Variants in LONRF3 observed in about 807,000 individuals in gnomAD.
LONRF3 encodes the protein LON peptidase N-terminal domain and ring finger 3.
A neutral mutation model predicts 51.7 loss-of-function variants in LONRF3; 19 were observed. That is an observed-to-expected ratio of 0.37 (90% CI 0.26 to 0.54). The LOEUF is 0.54. Among genes scored for constraint, LONRF3 ranks in the 20% least tolerant of loss-of-function variants. The pLI, the probability that LONRF3 is intolerant of heterozygous loss-of-function variation, is 0.86. For missense variants in LONRF3, 521 were observed against 623.9 expected (o/e 0.84, Z 1.76); for synonymous variants, 265 against 257.8 (o/e 1.03, Z -0.27).
rs752151426 is a variant in LONRF3 at position 118,978,219 on chromosome X, C to T, written c.818-126C>T. On this transcript the variant is annotated intron_variant, in intron 1 of 10. Coordinates refer to ENST00000371628, the MANE Select transcript of LONRF3 (RefSeq NM_001031855.3). The stretch of plus-strand genomic sequence containing the variant: ...TTAGGACTAGAAATAGAGCCTAACC[C>T]TTTTGATCTCCAGTAGAAAAGTCCT... 144 of 489,455 alleles carry T rather than the reference C, an allele frequency of 2.9e-4. 4 individuals carry two copies. Among genetic ancestry groups the T allele is most frequent in the South Asian group, 1.5e-3 (47 of 31,101 alleles). 40.3% of individuals were successfully genotyped at this position (489,455 alleles called of 1,213,427 possible). A position where few individuals can be genotyped will look rare whatever the true frequency, so the allele number is the denominator to read the frequency against.
intron 2 of LONRF3, among the ~76,000 whole-genome samples, chrX:118,979,454 C>T (rs543807292): frequency 6.6e-4 from 73 of 110,541 alleles, no homozygotes; most frequent in South Asian, 6.6e-3. Flanking sequence ...CCACCATGCC[C>T]GGCTAATTTT....
intron 5 of LONRF3, among the ~76,000 whole-genome samples, chrX:118,991,108 T>TGGGC (rs1923394345): frequency 8.9e-6 from 1 of 111,811 alleles, no homozygotes; most frequent in Admixed American, 9.5e-5. Context: ...TCTGCCTGCC[T>TGGGC]GGGCCTCCCA....
chrX:118,985,385 C>T (rs1483816386), intron 3 of LONRF3, among the ~76,000 whole-genome samples: 1 of 111,635 alleles, frequency 9.0e-6, no homozygotes, highest in Non-Finnish European at 1.9e-5. Flanking sequence ...CCTCTGAAAG[C>T]TGGCATTTAT....
intron 10 of LONRF3, among the ~76,000 whole-genome samples, chrX:119,015,006 C>T (rs1004151350): frequency 1.8e-5 from 2 of 111,762 alleles, no homozygotes; most frequent in Non-Finnish European, 3.8e-5. Context: ...CAGTGTTCTT[C>T]CTGGGGGATA....
At chrX:119,002,980 T>C (rs1331636390) in intron 5 of LONRF3, among the ~76,000 whole-genome samples, 1 of 109,719 alleles carries the variant, frequency 9.1e-6, no homozygotes, top group African/African-American at 3.3e-5. Flanking sequence ...TATGGGATTT[T>C]GCCATGTTGG....
chrX:118,977,869 A>C (rs781345232), intron 1 of LONRF3, among the ~76,000 whole-genome samples: 1 of 111,597 alleles, frequency 9.0e-6, no homozygotes, highest in Non-Finnish European at 1.9e-5. Context: ...GGCTTTGTAG[A>C]CAAAGGTGTT....
Position 119,009,243 on chromosome X carries a change from T to G in LONRF3, c.1648T>G (p.Ser550Ala). ...TTATGAAGAGGAAATGGAAGAACTT[T>G]CTAAGTATGTATATGCATATTTCTG... ...KLYEEEMEEL[S>A]NLNKNVPIFV... The change falls in exon 7 of 11, where the codon TCT (serine) becomes GCT (alanine). Residue 550 changes from serine (S) to alanine (A), a missense_variant. By Grantham distance (99) the Ser-to-Ala change is moderately conservative. This residue lies in a region of LONRF3 where 145 missense variants were observed against 247.2 expected (regional missense o/e 0.59). Coordinates refer to ENST00000371628, the MANE Select transcript of LONRF3 (RefSeq NM_001031855.3). 1 of 1,207,149 alleles carries G rather than the reference T, an allele frequency of 8.3e-7. No homozygotes were observed. The highest frequency in any genetic ancestry group is 1.1e-6 in the Non-Finnish European group (1 of 892,949).
At chrX:118,986,051 A>AACACAC (rs35356301) in intron 3 of LONRF3, among the ~76,000 whole-genome samples, 73 of 83,857 alleles carry the variant, frequency 8.7e-4, no homozygotes, top group African/African-American at 2.1e-3. Flanking sequence ...AGTATATGGA[A>AACACAC]ACACACACAC....
At chrX:119,012,615 A>G (rs886394586) in intron 8 of LONRF3, among the ~76,000 whole-genome samples, 2 of 111,323 alleles carry the variant, frequency 1.8e-5, no homozygotes, top group African/African-American at 6.5e-5. Flanking sequence ...AGAGAGAGAA[A>G]GAAGGGGGTC....
chrX:119,012,620 G>T (rs1240720537), intron 8 of LONRF3, among the ~76,000 whole-genome samples: 1 of 111,023 alleles, frequency 9.0e-6, no homozygotes, highest in Non-Finnish European at 1.9e-5. Flanking sequence ...GAGAAAGAAG[G>T]GGGTCAAACT....
chrX:118,978,028 C>T (rs926443073), intron 1 of LONRF3, among the ~76,000 whole-genome samples: 1 of 110,837 alleles, frequency 9.0e-6, no homozygotes, highest in Non-Finnish European at 1.9e-5. Context: ...ACCAGGCTGC[C>T]GGACACTAGC....
At position 118,999,637 on chromosome X, in the gene LONRF3, C is replaced by G. The variant is rs969996074; in HGVS notation, c.1416-6484C>G. Among the ~76,000 whole-genome samples, 5 of 112,005 alleles carry G rather than the reference C, an allele frequency of 4.5e-5. No individual in the cohort carries two copies. The East Asian group carries it at 1.1e-3, about 25-fold the overall frequency. On this transcript the variant is annotated intron_variant, in intron 5 of 10. Transcript: ENST00000371628. ...AAGTTCTTTTGTTCCTCTGCTTTCT[C>G]CCTTTCATCTTGTTTGTCCTTGAAC... is the stretch of plus-strand genomic sequence containing the variant.
chrX:118,984,585 C>T (rs1278461629), intron 3 of LONRF3, among the ~76,000 whole-genome samples: 1 of 112,067 alleles, frequency 8.9e-6, no homozygotes. Context: ...TCCACAGCTG[C>T]CTAATGGTTG....
intron 10 of LONRF3, 87 bp downstream of exon 10, chrX:119,014,443 T>C: frequency 1.2e-6 from 1 of 849,041 alleles, no homozygotes; most frequent in Non-Finnish European, 1.7e-6. Flanking sequence ...GTGGCTGCCA[T>C]TCAGCACATC....
In LONRF3 at chrX:118,975,296, G is replaced by T; in HGVS notation, c.516G>T (p.Ser172=). 1 of 1,210,479 alleles carries T rather than the reference G, an allele frequency of 8.3e-7. No individual in the cohort carries two copies. The highest frequency in any genetic ancestry group is 1.1e-6 in the Non-Finnish European group (1 of 895,160). ...TTCTATCAGACCCCGTGTCCTTGTC[G>T]TGTGGCCACACCTTTTGTAAACTGT... The part of the protein sequence containing the change: ...HGFLSDPVSL[S]CGHTFCKLCL... The change falls in exon 1 of 11, where the codon TCG becomes TCT. Residue 172 remains serine (S), a synonymous_variant. Coordinates refer to ENST00000371628, the MANE Select transcript of LONRF3 (RefSeq NM_001031855.3).
chrX:118,990,703 A>G (rs1923361656), intron 5 of LONRF3, 143 bp downstream of exon 5: 1 of 478,685 alleles, frequency 2.1e-6, no homozygotes, highest in East Asian at 3.8e-5. Context: ...GTTGATTGTC[A>G]CATGGGTCAG....
intron 3 of LONRF3, chrX:118,986,990 G>A (rs897697308): frequency 9.6e-6 from 11 of 1,149,128 alleles, no homozygotes; most frequent in Middle Eastern, 2.3e-4. Flanking sequence ...CCGATATCCT[G>A]AAGCTGTTGG....
intron 8 of LONRF3, chrX:119,012,802 C>A: frequency 1.2e-6 from 1 of 829,768 alleles, no homozygotes; most frequent in African/African-American, 2.0e-5. Flanking sequence ...AACCATAGCA[C>A]TGGCACAGCA....
intron 3 of LONRF3, among the ~76,000 whole-genome samples, chrX:118,983,192 T>A (rs752801803): frequency 2.7e-5 from 3 of 111,861 alleles, no homozygotes; most frequent in Non-Finnish European, 3.8e-5. Context: ...TGTTCTTGCT[T>A]CTTTGACTCA....
Sources: gnomAD v4.1 joint callset for allele counts (sites outside exome capture counted in the v4.1 genomes callset) on GRCh38, gnomAD v4.1.1 for gene constraint, gnomAD v4.1.1 regional missense constraint, MANE v1.5 for transcripts, NCBI Gene and HGNC (gene_info 2026-07-23, HGNC 2026-07-21) for gene names.